COBLL1: variants seen among roughly 807,000 people sequenced by gnomAD.
The protein encoded by COBLL1 is cordon-bleu WH2 repeat protein like 1.
COBLL1 carries 50 observed loss-of-function variants against 94.8 expected under a neutral mutation model. The ratio of observed to expected loss-of-function variants is 0.53; its 90% CI spans 0.42 to 0.67. The LOEUF is 0.67. Among genes scored for constraint, COBLL1 ranks in the 30% least tolerant of loss-of-function variants. The pLI is 0.00. For missense variants in COBLL1, 1,362 were observed against 1,348.7 expected (o/e 1.01, Z -0.15); for synonymous variants, 448 against 473.8 (o/e 0.95, Z 0.71).
At chr2:164,756,878 GTTA>G (rs1687437854) in intron 2 of COBLL1, among the ~76,000 whole-genome samples, 1 of 152,172 alleles carries the variant, frequency 6.6e-6, no homozygotes, top group Non-Finnish European at 1.5e-5. Flanking sequence ...GCACAAATTA[GTTA>G]TTAGGTCATT....
intron 2 of COBLL1, among the ~76,000 whole-genome samples, chr2:164,801,438 C>CAAAAAAAAAAAAAAAAAAAAA (rs143505097): frequency 3.5e-5 from 1 of 28,184 alleles, no homozygotes; most frequent in African/African-American, 1.3e-4. Context: ...GACTCCGTCT[C>CAAAAAAAAAAAAAAAAAAAAA]AAAAAAAAAA....
chr2:164,666,332 A>G (rs1463135269), intron 1 of COBLL1, among the ~76,000 whole-genome samples: 2 of 152,162 alleles, frequency 1.3e-5, no homozygotes, highest in Admixed American at 1.3e-4. Flanking sequence ...ATTATGTCTA[A>G]AAAACAATGT....
chr2:164,715,869 T>C (rs915287412), intron 7 of COBLL1, among the ~76,000 whole-genome samples: 2 of 152,106 alleles, frequency 1.3e-5, no homozygotes, highest in African/African-American at 2.4e-5. Context: ...CCAGAGAAAA[T>C]GATGTGCCAT....
chr2:164,704,882 A>G, intron 8 of COBLL1, 70 bp downstream of exon 8: 1 of 1,401,904 alleles, frequency 7.1e-7, no homozygotes, highest in Non-Finnish European at 9.6e-7. Context: ...TTACATACCC[A>G]TATCTTTCCT....
At chr2:164,756,083 G>T (rs1687387709) in intron 2 of COBLL1, among the ~76,000 whole-genome samples, 1 of 139,612 alleles carries the variant, frequency 7.2e-6, no homozygotes, top group Non-Finnish European at 1.6e-5. Flanking sequence ...ATGAGGGAGG[G>T]AGGGAGGGAG....
At chr2:164,807,362 C>T (rs998428128) in intron 2 of COBLL1, among the ~76,000 whole-genome samples, 8 of 151,656 alleles carry the variant, frequency 5.3e-5, no homozygotes, top group African/African-American at 1.5e-4. Context: ...CACTTGAACC[C>T]GAGAGGCAGA....
intron 2 of COBLL1, among the ~76,000 whole-genome samples, chr2:164,765,702 AT>A (rs1463126958): frequency 6.6e-6 from 1 of 152,178 alleles, no homozygotes; most frequent in Non-Finnish European, 1.5e-5. Context: ...ACAAAAAAAA[AT>A]CTTATGCTCT....
At chr2:164,825,420 T>G (rs760484838) in intron 2 of COBLL1, among the ~76,000 whole-genome samples, 6 of 152,184 alleles carry the variant, frequency 3.9e-5, no homozygotes, top group Non-Finnish European at 5.9e-5. Flanking sequence ...ACCTGAAAAT[T>G]TCCATTACGT....
At chr2:164,692,902 G>A (rs1454579341) in intron 12 of COBLL1, among the ~76,000 whole-genome samples, 1 of 152,004 alleles carries the variant, frequency 6.6e-6, no homozygotes, top group African/African-American at 2.4e-5. Context: ...ACACTTAGTA[G>A]CTTATTTTGT....
At chr2:164,788,213 T>A (rs976778016) in intron 2 of COBLL1, among the ~76,000 whole-genome samples, 2 of 152,198 alleles carry the variant, frequency 1.3e-5, no homozygotes, top group Non-Finnish European at 2.9e-5. Context: ...GGCAACTGCT[T>A]TGGCCACTCG....
chr2:164,807,855 T>C (rs1373213167), intron 2 of COBLL1, among the ~76,000 whole-genome samples: 2 of 152,178 alleles, frequency 1.3e-5, no homozygotes, highest in East Asian at 3.8e-4. Flanking sequence ...AGAGTCTCGT[T>C]GTCACCTAGG....
At chr2:164,689,870 C>G (rs558935478) in intron 13 of COBLL1, among the ~76,000 whole-genome samples, 1 of 152,112 alleles carries the variant, frequency 6.6e-6, no homozygotes, top group Non-Finnish European at 1.5e-5. Context: ...TAAGCGCTAT[C>G]ATAAGTTTTG....
At chr2:164,660,372 G>A (rs922858987) in intron 2 of COBLL1, among the ~76,000 whole-genome samples, 1 of 152,158 alleles carries the variant, frequency 6.6e-6, no homozygotes, top group Non-Finnish European at 1.5e-5. Flanking sequence ...GGAAAGTAGA[G>A]TTATTGCTAT....
At chr2:164,821,936 C>G (rs2105363718) in intron 2 of COBLL1, among the ~76,000 whole-genome samples, 1 of 152,274 alleles carries the variant, frequency 6.6e-6, no homozygotes, top group South Asian at 2.1e-4. Context: ...TTAACTTTTC[C>G]TATGGCTGAT....
chr2:164,779,284 C>A (rs920679574), intron 2 of COBLL1, among the ~76,000 whole-genome samples: 2 of 151,980 alleles, frequency 1.3e-5, no homozygotes, highest in African/African-American at 4.8e-5. Context: ...AAAGGATAAA[C>A]AGTACGAATC....
Position 164,694,557 on chromosome 2 carries a change from T to C in COBLL1, c.2835A>G (p.Glu945=). The C allele has an allele frequency of 6.2e-7, 1 of 1,613,918 alleles. No homozygotes were observed. The highest frequency in any genetic ancestry group is 8.5e-7 in the Non-Finnish European group (1 of 1,179,940). The part of the protein sequence containing the change: ...DDDVIGQAPA[E]ASPPPIAPKP... ...TTGGAGCTATGGGAGGAGGGGAGGC[T>C]TCAGCAGGAGCCTGACCGATGACAT... Residue 945 remains glutamate (E), a synonymous_variant, in exon 12 of 14, where the codon GAA becomes GAG. Transcript: ENST00000652658.
chr2:164,792,833 A>G (rs1683259187), intron 2 of COBLL1, among the ~76,000 whole-genome samples: 1 of 152,116 alleles, frequency 6.6e-6, no homozygotes, highest in Admixed American at 6.5e-5. Flanking sequence ...TCCTGCAATC[A>G]GTATGCAGGA....
At chr2:164,815,838 G>A (rs1486835221) in intron 2 of COBLL1, among the ~76,000 whole-genome samples, 1 of 152,000 alleles carries the variant, frequency 6.6e-6, no homozygotes, top group Non-Finnish European at 1.5e-5. Context: ...AAAGGGAAGG[G>A]GTTAGAAAAA....
chr2:164,720,275 A>G (rs1172639264), intron 7 of COBLL1, among the ~76,000 whole-genome samples: 2 of 83,610 alleles, frequency 2.4e-5, no homozygotes, highest in African/African-American at 2.3e-4. Context: ...AAGGCAACAT[A>G]CTAAAAAAAA....
Sources: allele counts gnomAD v4.1 joint callset (sites outside exome capture counted in the v4.1 genomes callset), GRCh38; gene constraint gnomAD v4.1.1; transcripts MANE v1.5; gene names NCBI Gene and HGNC (gene_info 2026-07-23, HGNC 2026-07-21).